The following BBS9 variants were observed in gnomAD, a reference collection of about 807,000 sequenced individuals.
BBS9 encodes Bardet-Biedl syndrome 9, also known as protein PTHB1.
BBS9 carries 89 observed loss-of-function variants against 117.7 expected under a neutral mutation model. The ratio of observed to expected loss-of-function variants is 0.76; its 90% CI spans 0.64 to 0.90. The LOEUF (loss-of-function observed/expected upper bound fraction) is 0.90, where lower values mean the gene tolerates loss of function less well. BBS9 is among the 40% of genes least tolerant of loss of function. BBS9 has a pLI of 0.00. For missense variants in BBS9, 982 were observed against 1,042.2 expected (o/e 0.94, Z 0.80); for synonymous variants, 379 against 370.9 (o/e 1.02, Z -0.25).
chr7:33,490,617 T>C (rs958170456), intron 19 of BBS9, among the ~76,000 whole-genome samples: 5 of 152,194 alleles, frequency 3.3e-5, no homozygotes, highest in Admixed American at 6.5e-5. Context: ...GAGCCAAATT[T>C]CTTCCTCCAT....
intron 5 of BBS9, among the ~76,000 whole-genome samples, chr7:33,200,646 C>T (rs1187857168): frequency 1.3e-5 from 2 of 152,092 alleles, no homozygotes; most frequent in African/African-American, 4.8e-5. Context: ...TTGAATCTGT[C>T]AGTTTTTTTC....
intron 21 of BBS9, among the ~76,000 whole-genome samples, chr7:33,563,541 C>T (rs768691605): frequency 2.0e-5 from 3 of 152,162 alleles, no homozygotes; most frequent in Non-Finnish European, 2.9e-5. Context: ...TTTGTTATGG[C>T]CTATTGTACA....
At chr7:33,243,152 A>AATGTATTC (rs1794811139) in intron 5 of BBS9, among the ~76,000 whole-genome samples, 1 of 152,222 alleles carries the variant, frequency 6.6e-6, no homozygotes, top group South Asian at 2.1e-4. Context: ...AAAGGTCATC[A>AATGTATTC]ATGTATTCAT....
intron 19 of BBS9, 57 bp from the exon 20 acceptor site, chr7:33,505,406 T>C (rs1409242666): frequency 6.4e-7 from 1 of 1,559,704 alleles, no homozygotes; most frequent in Non-Finnish European, 8.8e-7. Context: ...AGACATAATT[T>C]GTTGAGGGCT....
intron 21 of BBS9, among the ~76,000 whole-genome samples, chr7:33,570,378 T>C (rs1437947124): frequency 6.6e-6 from 1 of 152,134 alleles, no homozygotes; most frequent in Non-Finnish European, 1.5e-5. Flanking sequence ...TATTAGATTA[T>C]AGCCTGTAGA....
chr7:33,585,188 G>C (rs1860679578), intron 21 of BBS9, among the ~76,000 whole-genome samples: 1 of 152,038 alleles, frequency 6.6e-6, no homozygotes, highest in Non-Finnish European at 1.5e-5. Flanking sequence ...GACAGTCTCA[G>C]GGTCTATCTT....
At chr7:33,333,413 C>T (rs917421244) in intron 9 of BBS9, among the ~76,000 whole-genome samples, 10 of 152,114 alleles carry the variant, frequency 6.6e-5, no homozygotes, top group African/African-American at 2.2e-4. Flanking sequence ...GAGTTGTGTT[C>T]CATGGTGTGT....
intron 5 of BBS9, among the ~76,000 whole-genome samples, chr7:33,196,129 T>G (rs1784897021): frequency 6.6e-6 from 1 of 152,154 alleles, no homozygotes; most frequent in Admixed American, 6.5e-5. Context: ...ATAAAAGTCC[T>G]GCCAAAGAAA....
chr7:33,144,614 G>A (rs2128090328), intron 1 of BBS9, among the ~76,000 whole-genome samples: 1 of 152,240 alleles, frequency 6.6e-6, no homozygotes, highest in East Asian at 1.9e-4. Flanking sequence ...GGTTGTTTTT[G>A]GAGGGGGATG....
chr7:33,426,410 A>G (rs1833666096), intron 19 of BBS9, among the ~76,000 whole-genome samples: 1 of 152,128 alleles, frequency 6.6e-6, no homozygotes. Context: ...TTATGTAAAC[A>G]CTTCCCCGTG....
At chr7:33,367,693 A>C (rs947136777) in intron 16 of BBS9, 74 bp from the exon 17 acceptor site, 1 of 1,245,766 alleles carries the variant, frequency 8.0e-7, no homozygotes, top group Non-Finnish European at 1.2e-6. Context: ...GCATCATTCA[A>C]CTAAGGTTCC....
chr7:33,357,808 A>G (rs776518130), intron 15 of BBS9, 47 bp from the exon 16 acceptor site: 4 of 1,590,880 alleles, frequency 2.5e-6, no homozygotes, highest in East Asian at 2.2e-5. Flanking sequence ...TTTTTTGCCA[A>G]ATTATTTGTC....
At chr7:33,632,776 C>A (rs1865955983) in intron 21 of BBS9, among the ~76,000 whole-genome samples, 1 of 152,066 alleles carries the variant, frequency 6.6e-6, no homozygotes. Context: ...CAAGGCCACA[C>A]TACTCAAACA....
chr7:33,571,135 T>G (rs1464306663), intron 21 of BBS9, among the ~76,000 whole-genome samples: 1 of 152,166 alleles, frequency 6.6e-6, no homozygotes, highest in Non-Finnish European at 1.5e-5. Flanking sequence ...GGAAACTCAT[T>G]GTACTATTTT....
chr7:33,212,899 A>G (rs1788292996), intron 5 of BBS9, among the ~76,000 whole-genome samples: 1 of 152,136 alleles, frequency 6.6e-6, no homozygotes, highest in Admixed American at 6.5e-5. Flanking sequence ...ACCTGGAACT[A>G]GGCATTTGGT....
intron 21 of BBS9, among the ~76,000 whole-genome samples, chr7:33,537,741 G>T (rs1441032879): frequency 1.3e-5 from 2 of 152,118 alleles, no homozygotes; most frequent in African/African-American, 4.8e-5. Context: ...GCTGTATTTT[G>T]CAGGAGGCTT....
intron 19 of BBS9, among the ~76,000 whole-genome samples, chr7:33,467,617 T>C (rs2128947231): frequency 6.7e-6 from 1 of 149,246 alleles, no homozygotes; most frequent in East Asian, 2.2e-4. Flanking sequence ...CTTTATATAA[T>C]GTGTTAATCT....
intron 19 of BBS9, among the ~76,000 whole-genome samples, chr7:33,488,296 C>A (rs551398186): frequency 4.6e-5 from 7 of 152,172 alleles, no homozygotes; most frequent in African/African-American, 7.2e-5. Context: ...GGAACAAAAT[C>A]TCAGACCAGA....
At chr7:33,240,101 T>C (rs1794225792) in intron 5 of BBS9, among the ~76,000 whole-genome samples, 1 of 152,218 alleles carries the variant, frequency 6.6e-6, no homozygotes, top group African/African-American at 2.4e-5. Context: ...TATTCTTTTC[T>C]CATATGCTAA....
Sources: gnomAD v4.1 joint callset for allele counts (sites outside exome capture counted in the v4.1 genomes callset) on GRCh38, gnomAD v4.1.1 for gene constraint, MANE v1.5 for transcripts, NCBI Gene and HGNC (gene_info 2026-07-23, HGNC 2026-07-21) for gene names.